Variants in TBL1XR1 observed in about 807,000 individuals in gnomAD.
The protein encoded by TBL1XR1 is F-box-like/WD repeat-containing protein TBL1XR1.
In TBL1XR1, 5 loss-of-function variants were observed where a neutral mutation model predicts 66.9. That is an observed-to-expected ratio of 0.07 (90% CI 0.04 to 0.16). The LOEUF (loss-of-function observed/expected upper bound fraction) is 0.16. Among genes scored for constraint, TBL1XR1 ranks in the 10% least tolerant of loss-of-function variants. TBL1XR1 has a pLI of 1.00. For missense variants in TBL1XR1, 238 were observed against 623.2 expected (o/e 0.38, Z 6.58); for synonymous variants, 210 against 206.0 (o/e 1.02, Z -0.17).
chr3:177,067,570 A>T lies in TBL1XR1; in HGVS notation c.-45-2548T>A, dbSNP rs572137610. 1.2e-4 allele frequency among the ~76,000 whole-genome samples: 18 copies of T among 152,346 alleles called. No homozygotes were observed. In the South Asian group the frequency reaches 3.7e-3, roughly 32 times the overall value. On this transcript the variant is annotated intron_variant, in intron 2 of 15. Transcript: ENST00000457928. The stretch of plus-strand genomic sequence containing the variant: ...ATTGCTTTTAAAAATTCCTGCAATA[A>T]ATATATATTGCTGGTATATTTTTAA...
chr3:177,042,610 A>G (rs897729269), intron 10 of TBL1XR1, among the ~76,000 whole-genome samples: 4 of 152,206 alleles, frequency 2.6e-5, no homozygotes, highest in Admixed American at 6.5e-5. Context: ...TACTCTTAAA[A>G]TGAGTCTTGA....
intron 1 of TBL1XR1, among the ~76,000 whole-genome samples, chr3:177,161,744 A>G (rs1732236681): frequency 6.6e-6 from 1 of 151,698 alleles, no homozygotes; most frequent in African/African-American, 2.4e-5. Context: ...AGATCATGCC[A>G]CTGAACTCCA....
At position 177,050,149 on chromosome 3, in the gene TBL1XR1, A is replaced by G; in HGVS notation, c.561-11T>C. Reference sequence around the variant, plus strand: ...GTTGAGTCTCCAGACCTATAAAAGTATGCAATATATTTTAGATCCTCATGA... The same window carrying G: ...GTTGAGTCTCCAGACCTATAAAAGTGTGCAATATATTTTAGATCCTCATGA... On this transcript the variant is annotated splice_polypyrimidine_tract_variant and intron_variant, in intron 6 of 15. Transcript: ENST00000457928. 1 of 1,612,344 alleles carries G rather than the reference A, an allele frequency of 6.2e-7. No homozygotes were observed. The highest frequency in any genetic ancestry group is 1.1e-5 in the South Asian group (1 of 91,004).
intron 3 of TBL1XR1, among the ~76,000 whole-genome samples, chr3:177,054,558 G>C (rs1717562405): frequency 6.6e-6 from 1 of 152,054 alleles, no homozygotes; most frequent in Non-Finnish European, 1.5e-5. Flanking sequence ...AAAATCTGAA[G>C]TATTTAAATT....
chr3:177,195,879 A>T (rs1736788384), intron 1 of TBL1XR1, among the ~76,000 whole-genome samples: 1 of 152,208 alleles, frequency 6.6e-6, no homozygotes. Context: ...CATAGGTACT[A>T]AAACTCTTCA....
At chr3:177,086,700 T>C (rs1300635984) in intron 2 of TBL1XR1, among the ~76,000 whole-genome samples, 6 of 152,028 alleles carry the variant, frequency 3.9e-5, no homozygotes, top group African/African-American at 2.4e-5. Context: ...TTAAGTAAGA[T>C]AACTACTCTC....
At chr3:177,040,342 C>T (rs1330716386) in intron 10 of TBL1XR1, among the ~76,000 whole-genome samples, 1 of 151,992 alleles carries the variant, frequency 6.6e-6, no homozygotes, top group African/African-American at 2.4e-5. Context: ...AAAAGTTTAG[C>T]TATGTATACT....
At chr3:177,060,127 T>C (rs944148362) in intron 3 of TBL1XR1, among the ~76,000 whole-genome samples, 2 of 152,156 alleles carry the variant, frequency 1.3e-5, no homozygotes, top group Non-Finnish European at 2.9e-5. Context: ...GCCCCTCAAC[T>C]TGCAGACAGC....
At chr3:177,055,860 T>TACA (rs1274667361) in intron 3 of TBL1XR1, among the ~76,000 whole-genome samples, 1 of 152,212 alleles carries the variant, frequency 6.6e-6, no homozygotes, top group East Asian at 1.9e-4. Context: ...AGACATCATT[T>TACA]ACAGAGGGCC....
intron 1 of TBL1XR1, among the ~76,000 whole-genome samples, chr3:177,175,185 G>A (rs1160070772): frequency 1.3e-5 from 2 of 152,220 alleles, no homozygotes; most frequent in Non-Finnish European, 1.5e-5. Context: ...GAATAACATT[G>A]TATTGTACTA....
At chr3:177,073,316 A>G (rs1222322212) in intron 2 of TBL1XR1, among the ~76,000 whole-genome samples, 2 of 152,190 alleles carry the variant, frequency 1.3e-5, no homozygotes, top group Non-Finnish European at 2.9e-5. Context: ...AGCCCACAGT[A>G]CTGGTCATAT....
At chr3:177,053,605 G>A (rs1036700676) in intron 4 of TBL1XR1, among the ~76,000 whole-genome samples, 168 bp downstream of exon 4, 3 of 152,072 alleles carry the variant, frequency 2.0e-5, no homozygotes, top group Non-Finnish European at 4.4e-5. Context: ...ACAACTAGGC[G>A]CCAACACCTT....
intron 2 of TBL1XR1, among the ~76,000 whole-genome samples, chr3:177,094,835 G>A (rs537572143): frequency 6.6e-6 from 1 of 152,142 alleles, no homozygotes; most frequent in East Asian, 1.9e-4. Context: ...GGTGGGGGAT[G>A]GAGAGGGATG....
intron 1 of TBL1XR1, among the ~76,000 whole-genome samples, chr3:177,112,200 C>T (rs1364411636): frequency 2.1e-5 from 3 of 146,256 alleles, no homozygotes; most frequent in African/African-American, 7.6e-5. Context: ...CTGCGTCTCC[C>T]GGGTTCAAGC....
At chr3:177,049,963 T>G (rs760856825) in intron 7 of TBL1XR1, 34 bp downstream of exon 7, 1 of 1,607,646 alleles carries the variant, frequency 6.2e-7, no homozygotes, top group Middle Eastern at 1.7e-4. Context: ...GGTATACTAG[T>G]AATTATATCC....
At chr3:177,186,276 G>T (rs1451633543) in intron 1 of TBL1XR1, among the ~76,000 whole-genome samples, 2 of 152,112 alleles carry the variant, frequency 1.3e-5, no homozygotes, top group Non-Finnish European at 2.9e-5. Flanking sequence ...CATTTTACTA[G>T]GGGAAAAATC....
chr3:177,036,636 T>C (rs1490662670), intron 12 of TBL1XR1, among the ~76,000 whole-genome samples: 1 of 152,104 alleles, frequency 6.6e-6, no homozygotes, highest in Non-Finnish European at 1.5e-5. Flanking sequence ...CGTGTGCACA[T>C]AAGGAAAAGC....
chr3:177,115,241 C>T (rs1726168342), intron 1 of TBL1XR1, among the ~76,000 whole-genome samples: 2 of 151,960 alleles, frequency 1.3e-5, no homozygotes, highest in Non-Finnish European at 1.5e-5. Context: ...CTACTTCCTG[C>T]AATACTATAT....
intron 3 of TBL1XR1, among the ~76,000 whole-genome samples, chr3:177,060,294 G>A (rs1170714256): frequency 1.3e-5 from 2 of 152,098 alleles, no homozygotes; most frequent in African/African-American, 4.8e-5. Flanking sequence ...TAAAAATGGA[G>A]ACAGTATGCA....
Sources: gnomAD v4.1 joint callset for allele counts (sites outside exome capture counted in the v4.1 genomes callset) on GRCh38, gnomAD v4.1.1 for gene constraint, MANE v1.5 for transcripts, NCBI Gene and HGNC (gene_info 2026-07-23, HGNC 2026-07-21) for gene names.